Variants in ELF2 observed in about 807,000 individuals in gnomAD.
ELF2 encodes the protein E74 like ETS transcription factor 2.
A neutral mutation model predicts 54.8 loss-of-function variants in ELF2; 11 were observed. That is an observed-to-expected ratio of 0.20 (90% CI 0.13 to 0.33). The LOEUF is 0.33. Ranked by LOEUF, ELF2 falls within the 10% of genes least tolerant of loss-of-function variation. The pLI is 1.00. For missense variants in ELF2, 513 were observed against 703.0 expected (o/e 0.73, Z 3.06); for synonymous variants, 203 against 245.1 (o/e 0.83, Z 1.61).
chr4:139,137,992 C>T (rs1266005716), intron 2 of ELF2, 125 bp from the exon 3 acceptor site: 3 of 633,472 alleles, frequency 4.7e-6, no homozygotes, highest in African/African-American at 3.8e-5. Flanking sequence ...CTTAACATCC[C>T]CGTGTCAAAA....
intron 4 of ELF2, chr4:139,101,724 G>T (rs1189560106): frequency 6.6e-6 from 1 of 152,130 alleles, no homozygotes; most frequent in Non-Finnish European, 1.5e-5. Context: ...AAGGATAAAG[G>T]TCACTAAAGG....
chr4:139,134,603 A>G (rs1560851235), intron 3 of ELF2, among the ~76,000 whole-genome samples: 2 of 141,112 alleles, frequency 1.4e-5, no homozygotes, highest in African/African-American at 5.5e-5. Flanking sequence ...ATTTTATTTT[A>G]TTTTATTTTA....
chr4:139,115,002 T>G, intron 4 of ELF2: 1 of 1,613,802 alleles, frequency 6.2e-7, no homozygotes, highest in Non-Finnish European at 8.5e-7. Flanking sequence ...TGAAGGCCTC[T>G]GTGGGTTTGT....
intron 4 of ELF2, among the ~76,000 whole-genome samples, chr4:139,084,664 T>C (rs944201747): frequency 2.6e-5 from 4 of 152,212 alleles, no homozygotes; most frequent in African/African-American, 9.6e-5. Context: ...AAGAAAAGTC[T>C]GCAATTGTCC....
At chr4:139,172,048 C>T (rs1258051555) in intron 1 of ELF2, among the ~76,000 whole-genome samples, 1 of 152,210 alleles carries the variant, frequency 6.6e-6, no homozygotes, top group Non-Finnish European at 1.5e-5. Flanking sequence ...GTTATGGCCA[C>T]TTTGGGAAAA....
chr4:139,159,456 T>C (rs1354373824), intron 1 of ELF2, among the ~76,000 whole-genome samples: 1 of 152,132 alleles, frequency 6.6e-6, no homozygotes, highest in Non-Finnish European at 1.5e-5. Flanking sequence ...AAGAGATTGA[T>C]AGGTGAAGTT....
At chr4:139,086,977 A>G (rs910869466) in intron 4 of ELF2, among the ~76,000 whole-genome samples, 1 of 152,234 alleles carries the variant, frequency 6.6e-6, no homozygotes, top group African/African-American at 2.4e-5. Context: ...CATAACTCCT[A>G]AAAGTAATTT....
intron 1 of ELF2, among the ~76,000 whole-genome samples, chr4:139,158,867 A>G (rs1425797357): frequency 1.3e-5 from 2 of 151,998 alleles, no homozygotes. Flanking sequence ...TTGGAGGCTG[A>G]GCTTGGTGAG....
At chr4:139,088,820 G>A (rs144489526) in intron 4 of ELF2, among the ~76,000 whole-genome samples, 41 of 151,924 alleles carry the variant, frequency 2.7e-4, no homozygotes, top group Non-Finnish European at 4.7e-4. Context: ...GTGCAATGGC[G>A]TGATCTTGGC....
rs535554371 is a variant in ELF2, at chr4:139,078,698, G to GT, written c.239-5132dup. The stretch of plus-strand genomic sequence containing the variant: ...ATTGAGTTTCTTAGCTACATTTTAA[G>GT]TACTCAGATACATGCGGCTAGTGGC... On this transcript the variant is annotated intron_variant, in intron 4 of 9. Coordinates refer to ENST00000686138, the MANE Select transcript of ELF2 (RefSeq NM_001331036.3). Among the ~76,000 whole-genome samples, 561 of 151,156 alleles carry GT rather than the reference G, an allele frequency of 3.7e-3. 4 individuals carry two copies. The highest frequency in any genetic ancestry group is 0.013 in the African/African-American group (521 of 41,174).
At chr4:139,082,585 C>G (rs1003483646) in intron 4 of ELF2, among the ~76,000 whole-genome samples, 1 of 152,182 alleles carries the variant, frequency 6.6e-6, no homozygotes, top group Non-Finnish European at 1.5e-5. Flanking sequence ...GAACCTAGAG[C>G]GCTTCCGTTA....
chr4:139,115,167 G>A (rs370144192), intron 4 of ELF2: 1 of 1,612,720 alleles, frequency 6.2e-7, no homozygotes, highest in Non-Finnish European at 8.5e-7. Flanking sequence ...CCTCTAGGTT[G>A]AGGCGCTTCC....
chr4:139,120,478 C>T (rs185319147), intron 4 of ELF2, among the ~76,000 whole-genome samples: 24 of 152,156 alleles, frequency 1.6e-4, no homozygotes, highest in African/African-American at 5.8e-4. Flanking sequence ...CTCTGTCACT[C>T]GGGCTGGAGC....
intron 3 of ELF2, among the ~76,000 whole-genome samples, chr4:139,135,557 A>G (rs1738067036): frequency 1.3e-5 from 2 of 152,078 alleles, no homozygotes; most frequent in Non-Finnish European, 2.9e-5. Flanking sequence ...TCCAGTCCTG[A>G]ATTATTTTTC....
chr4:139,090,482 T>A (rs1327403473), intron 4 of ELF2, among the ~76,000 whole-genome samples: 1 of 152,246 alleles, frequency 6.6e-6, no homozygotes, highest in Non-Finnish European at 1.5e-5. Context: ...ACTATTCATG[T>A]CCTTGGCCAT....
intron 4 of ELF2, among the ~76,000 whole-genome samples, chr4:139,122,997 A>C (rs1338274036): frequency 2.6e-5 from 4 of 151,920 alleles, no homozygotes; most frequent in Non-Finnish European, 5.9e-5. Flanking sequence ...ATCCTGGCCA[A>C]CATGGTGAAA....
intron 3 of ELF2, among the ~76,000 whole-genome samples, chr4:139,136,514 G>A (rs1219685248): frequency 1.3e-5 from 2 of 151,912 alleles, no homozygotes; most frequent in Non-Finnish European, 2.9e-5. Context: ...TAGGAAGCAC[G>A]AGTAATGCAG....
chr4:139,159,943 C>G (rs1404656530), intron 1 of ELF2, among the ~76,000 whole-genome samples: 2 of 152,152 alleles, frequency 1.3e-5, no homozygotes, highest in Non-Finnish European at 2.9e-5. Context: ...AGTCCCTTTG[C>G]AAGAGTGAGG....
chr4:139,084,007 G>C (rs1731578995), intron 4 of ELF2: 5 of 1,468,428 alleles, frequency 3.4e-6, no homozygotes, highest in South Asian at 1.2e-5. Context: ...TCCCCCAGCC[G>C]CCCCAGTGAC....
Sources: allele counts gnomAD v4.1 joint callset (sites outside exome capture counted in the v4.1 genomes callset), GRCh38; gene constraint gnomAD v4.1.1; transcripts MANE v1.5; gene names NCBI Gene and HGNC (gene_info 2026-07-23, HGNC 2026-07-21).